Variants in IL7R observed in about 807,000 individuals in gnomAD.
The protein encoded by IL7R is interleukin-7 receptor subunit alpha.
In IL7R, 38 loss-of-function variants were observed where a neutral mutation model predicts 47.0. That is an observed-to-expected ratio of 0.81 (90% CI 0.62 to 1.06). IL7R has a LOEUF of 1.06. Among genes scored for constraint, IL7R ranks in the 50% least tolerant of loss-of-function variants. The pLI, the probability that IL7R is intolerant of heterozygous loss-of-function variation, is 0.00. For missense variants in IL7R, 633 were observed against 534.8 expected (o/e 1.18, Z -1.81); for synonymous variants, 221 against 199.8 (o/e 1.11, Z -0.89).
At chr5:35,874,716 A>G (rs1206397106) in intron 6 of IL7R, among the ~76,000 whole-genome samples, 174 bp downstream of exon 6, 1 of 152,222 alleles carries the variant, frequency 6.6e-6, no homozygotes, top group African/African-American at 2.4e-5. Flanking sequence ...CATAAGAGGC[A>G]AAAAGATATT....
chr5:35,869,030 G>A (rs1300476651), intron 3 of IL7R, among the ~76,000 whole-genome samples: 2 of 152,148 alleles, frequency 1.3e-5, no homozygotes, highest in African/African-American at 4.8e-5. Flanking sequence ...TGGGGCTATG[G>A]CAAGCACCCC....
At position 35,876,480 on chromosome 5, in the gene IL7R, C is replaced by G. The variant is rs1760221435; in HGVS notation, c.1374C>G (p.Asn458Lys). The G allele has an allele frequency of 1.2e-6, 2 of 1,602,070 alleles. No homozygotes were observed. The highest frequency in any genetic ancestry group is 8.5e-7 in the Non-Finnish European group (1 of 1,179,928). ...TCACCATGTCCAGCTTCTACCAAAACCAGTGAAGTGTAAGAAACCCAGACT... is the reference window on the plus strand; with the variant it reads ...TCACCATGTCCAGCTTCTACCAAAAGCAGTGAAGTGTAAGAAACCCAGACT... ...AYVTMSSFYQ[N>K]Q The change falls in exon 8 of 8, where the codon AAC becomes AAG. Residue 458 changes from asparagine (N) to lysine (K), a missense_variant. Transcript: ENST00000303115.
At chr5:35,871,469 T>C (rs1014612970) in intron 4 of IL7R, among the ~76,000 whole-genome samples, 2 of 152,210 alleles carry the variant, frequency 1.3e-5, no homozygotes, top group African/African-American at 4.8e-5. Flanking sequence ...GATAACAATA[T>C]AGATTGAGGC....
chr5:35,868,346 A>T (rs1039330422), intron 3 of IL7R, among the ~76,000 whole-genome samples: 1 of 152,240 alleles, frequency 6.6e-6, no homozygotes, highest in South Asian at 2.1e-4. Flanking sequence ...CTCATTAGAG[A>T]TAAGAAAGAG....
At chr5:35,871,477 G>C (rs1020211728) in intron 4 of IL7R, among the ~76,000 whole-genome samples, 12 of 152,116 alleles carry the variant, frequency 7.9e-5, no homozygotes, top group Admixed American at 1.3e-4. Flanking sequence ...TATAGATTGA[G>C]GCCAAATTAA....
In IL7R at chr5:35,878,483, T is replaced by C; in HGVS notation, c.*1997T>C. On this transcript the variant is annotated 3_prime_UTR_variant, in exon 8 of 8. Coordinates refer to ENST00000303115, the MANE Select transcript of IL7R (RefSeq NM_002185.5). ...TAAAAGAGCCATATTGAAAGTGCCC[T>C]GTTGGAGACAGGGCAAATGCCACAA... 4.3e-6 allele frequency: 1 copy of C among 232,914 alleles called. No individual in the cohort carries two copies. Among genetic ancestry groups the C allele is most frequent in the Non-Finnish European group, 8.5e-6 (1 of 117,824 alleles). 14.4% of individuals were successfully genotyped at this position (232,914 alleles called of 1,614,324 possible). A position where few individuals can be genotyped will look rare whatever the true frequency, so the allele number is the denominator to read the frequency against.
intron 7 of IL7R, 69 bp downstream of exon 7, chr5:35,875,656 G>A (rs1760188651): frequency 2.5e-6 from 3 of 1,190,688 alleles, no homozygotes; most frequent in Non-Finnish European, 3.8e-6. Flanking sequence ...GATATTCCAG[G>A]ACAAGGAACA....
chr5:35,869,733 CAA>C (rs1176303102), intron 3 of IL7R, among the ~76,000 whole-genome samples: 1 of 152,162 alleles, frequency 6.6e-6, no homozygotes, highest in African/African-American at 2.4e-5. Flanking sequence ...AGAGCAGGAA[CAA>C]GAGAGAGGGG....
Position 35,877,013 on chromosome 5 carries a change from C to A in IL7R, c.*527C>A. 4.2e-6 allele frequency: 1 copy of A among 240,896 alleles called. No homozygotes were observed. The highest frequency in any genetic ancestry group is 8.2e-6 in the Non-Finnish European group (1 of 122,572). 14.9% of individuals were successfully genotyped at this position (240,896 alleles called of 1,614,324 possible). On this transcript the variant is annotated 3_prime_UTR_variant, in exon 8 of 8. Transcript: ENST00000303115. ...AGAACTAAGGAGTTAAGTAACTTGT[C>A]CAAGTTGTTCACACAGTGAAGGGAG...
In IL7R at chr5:35,856,941, G is replaced by A; in HGVS notation, c.-37G>A. ...ACTCTCATTCATTTCATACACACTG[G>A]CTCACACATCTACTCTCTCTCTCTA... On this transcript the variant is annotated 5_prime_UTR_variant, in exon 1 of 8. Coordinates refer to ENST00000303115, the MANE Select transcript of IL7R (RefSeq NM_002185.5). 1 of 1,172,422 alleles carries A rather than the reference G, an allele frequency of 8.5e-7. No individual in the cohort carries two copies. The highest frequency in any genetic ancestry group is 1.3e-6 in the Non-Finnish European group (1 of 782,594). The allele number at this position is 1,172,422 out of a possible 1,614,324, so 72.6% of individuals were successfully genotyped here.
rs1284247613 is a variant in IL7R at position 35,877,893 on chromosome 5, G to T, written c.*1407G>T. ...TCCCACAGGCCTCCAAACCCTGGCT[G>T]TTCACAGAACCACAAAGGGCAGATG... On this transcript the variant is annotated 3_prime_UTR_variant, in exon 8 of 8. Transcript: ENST00000303115. 2 of 233,198 alleles carry T rather than the reference G, an allele frequency of 8.6e-6. No individual in the cohort carries two copies. The highest frequency in any genetic ancestry group is 8.5e-6 in the Non-Finnish European group (1 of 118,088). 14.4% of individuals were successfully genotyped at this position (233,198 alleles called of 1,614,324 possible).
Position 35,872,895 on chromosome 5 carries a change from T to C in IL7R, c.538-585T>C, listed in dbSNP as rs1017465548. ...CACAATAGAAAAATGAGCAAAAAAATTGGGAAAAATCTCATAAAGTATGGA... is the reference window on the plus strand; with the variant it reads ...CACAATAGAAAAATGAGCAAAAAAACTGGGAAAAATCTCATAAAGTATGGA... On this transcript the variant is annotated intron_variant, in intron 4 of 7. Coordinates refer to ENST00000303115, the MANE Select transcript of IL7R (RefSeq NM_002185.5). Among the ~76,000 whole-genome samples the C allele has an allele frequency of 4.7e-5, 7 of 150,466 alleles. No homozygotes were observed. The South Asian group carries it at 1.5e-3, about 32-fold the overall frequency.
chr5:35,869,132 T>C (rs779113351), intron 3 of IL7R, among the ~76,000 whole-genome samples: 3 of 152,122 alleles, frequency 2.0e-5, no homozygotes, highest in Admixed American at 1.3e-4. Flanking sequence ...GGAACTACCA[T>C]TTAAGTGAGT....
chr5:35,873,008 A>G (rs1157951736), intron 4 of IL7R, among the ~76,000 whole-genome samples: 3 of 148,658 alleles, frequency 2.0e-5, no homozygotes, highest in Non-Finnish European at 3.0e-5. Context: ...TTATCTGTCA[A>G]ATTGATAGAG....
intron 1 of IL7R, among the ~76,000 whole-genome samples, chr5:35,859,375 C>G (rs1042987924): frequency 1.3e-5 from 2 of 152,138 alleles, no homozygotes; most frequent in Admixed American, 6.5e-5. Context: ...AGGTCAGAAC[C>G]ACTGCATTTA....
intron 6 of IL7R, among the ~76,000 whole-genome samples, chr5:35,875,254 T>C (rs1760174542): frequency 6.6e-6 from 1 of 152,194 alleles, no homozygotes; most frequent in African/African-American, 2.4e-5. Context: ...TAGGGCTTTT[T>C]CCCAGAGGTA....
chr5:35,879,417 T>C lies in IL7R; in HGVS notation c.*2931T>C, dbSNP rs1760297728. 1 of 232,912 alleles carries C rather than the reference T, an allele frequency of 4.3e-6. No individual in the cohort carries two copies. Among genetic ancestry groups the C allele is most frequent in the Non-Finnish European group, 8.5e-6 (1 of 117,888 alleles). 14.4% of individuals were successfully genotyped at this position (232,912 alleles called of 1,614,324 possible). On this transcript the variant is annotated 3_prime_UTR_variant, in exon 8 of 8. Transcript: ENST00000303115. ...AAATGATGCAGATTAGGTGGCATTT[T>C]TGTCAGCTCTGTGGTTTATTGTTGG...
At chr5:35,868,915 C>G (rs1760003964) in intron 3 of IL7R, among the ~76,000 whole-genome samples, 1 of 152,156 alleles carries the variant, frequency 6.6e-6, no homozygotes, top group Non-Finnish European at 1.5e-5. Flanking sequence ...CCCCAGCAGA[C>G]TGCAAATCTG....
chr5:35,870,187 A>G (rs1303942704), intron 3 of IL7R, among the ~76,000 whole-genome samples: 1 of 152,218 alleles, frequency 6.6e-6, no homozygotes, highest in Non-Finnish European at 1.5e-5. Context: ...AAGTCTCAGG[A>G]CCTTTCTAGG....
Sources: gnomAD v4.1 joint callset for allele counts (sites outside exome capture counted in the v4.1 genomes callset) on GRCh38, gnomAD v4.1.1 for gene constraint, MANE v1.5 for transcripts, NCBI Gene and HGNC (gene_info 2026-07-23, HGNC 2026-07-21) for gene names.